The following EDN1 variants were observed in gnomAD, a reference collection of about 807,000 sequenced individuals.
EDN1 encodes the protein endothelin 1.
EDN1 carries 11 observed loss-of-function variants against 21.7 expected under a neutral mutation model. The ratio of observed to expected loss-of-function variants is 0.51; its 90% CI spans 0.32 to 0.84. EDN1 has a LOEUF of 0.84. Among genes scored for constraint, EDN1 ranks in the 40% least tolerant of loss-of-function variants. The pLI is 0.03. For synonymous variants in EDN1, 85 were observed against 90.6 expected, an observed-to-expected ratio of 0.94 and a Z score of 0.35; for missense variants, 244 against 262.3, an observed-to-expected ratio of 0.93 and a Z score of 0.48.
At chr6:12,263,014 T>C in the EDN1 span, among the ~76,000 whole-genome samples, 1 of 152,144 alleles carries the variant, frequency 6.6e-6, no homozygotes, top group African/African-American at 2.4e-5. Context: ...CTTTCTTATT[T>C]CTGGGTAATT....
At chr6:12,294,967 G>A (rs1223982353) in intron 4 of EDN1, among the ~76,000 whole-genome samples, 4 of 138,800 alleles carry the variant, frequency 2.9e-5, no homozygotes, top group Non-Finnish European at 4.5e-5. Context: ...TTGGTGCAGA[G>A]CCAATGTCAT....
At chr6:12,295,743 A>G (rs1762807078) in intron 4 of EDN1, among the ~76,000 whole-genome samples, 1 of 152,142 alleles carries the variant, frequency 6.6e-6, no homozygotes, top group Non-Finnish European at 1.5e-5. Flanking sequence ...AGACTTGACC[A>G]TATGACCCCT....
At chr6:12,252,615 T>C in the EDN1 span, among the ~76,000 whole-genome samples, 1 of 152,234 alleles carries the variant, frequency 6.6e-6, no homozygotes, top group East Asian at 1.9e-4. Context: ...TTGATAATTC[T>C]GCAGGAACGC....
At chr6:12,262,324 C>A in the EDN1 span, among the ~76,000 whole-genome samples, 1 of 152,076 alleles carries the variant, frequency 6.6e-6, no homozygotes, top group African/African-American at 2.4e-5. Flanking sequence ...GAAACCTGGG[C>A]CAGGTTGTTT....
chr6:12,292,413 G>C lies in EDN1; in HGVS notation c.137G>C (p.Arg46Pro), dbSNP rs1383893344. The stretch of plus-strand genomic sequence containing the variant: ...AAACCCACTCCCAGTCCACCCTGGC[G>C]GCTCCGCCGGTCCAAGCGCTGCTCC... ...GEKPTPSPPWRLRRSKRCSCS... is the reference protein window; with the variant it reads ...GEKPTPSPPWPLRRSKRCSCS... Residue 46 changes from arginine (R) to proline (P), a missense_variant, in exon 2 of 5, where the codon CGG becomes CCG. Coordinates refer to ENST00000379375, the MANE Select transcript of EDN1 (RefSeq NM_001955.5). 2 of 1,614,172 alleles carry C rather than the reference G, an allele frequency of 1.2e-6. No homozygotes were observed. The highest frequency in any genetic ancestry group is 2.2e-5 in the East Asian group (1 of 44,876).
Position 12,292,337 on chromosome 6 carries a change from C to G in EDN1, c.65-4C>G, listed in dbSNP as rs376331416. 2.5e-6 allele frequency: 4 copies of G among 1,613,794 alleles called. No individual in the cohort carries two copies. Among genetic ancestry groups the G allele is most frequent in the Non-Finnish European group, 3.4e-6 (4 of 1,180,052 alleles). ...CCCCACTGACCTGCTCTTTCTCTCC[C>G]CAGCAGTCTTAGGCGCTGAGCTCAG... On this transcript the variant is annotated splice_region_variant and splice_polypyrimidine_tract_variant and intron_variant, in intron 1 of 4. Coordinates refer to ENST00000379375, the MANE Select transcript of EDN1 (RefSeq NM_001955.5).
At chr6:12,278,538 A>T in the EDN1 span, among the ~76,000 whole-genome samples, 1 of 152,172 alleles carries the variant, frequency 6.6e-6, no homozygotes, top group Non-Finnish European at 1.5e-5. Flanking sequence ...ATTCTCATAT[A>T]TGCCACACAT....
chr6:12,254,515 C>G, the EDN1 span, among the ~76,000 whole-genome samples: 1 of 152,120 alleles, frequency 6.6e-6, no homozygotes, highest in African/African-American at 2.4e-5. Context: ...CCCCATAAAG[C>G]TGTGGACCAT....
chr6:12,242,804 A>C, the EDN1 span, among the ~76,000 whole-genome samples: 2 of 151,760 alleles, frequency 1.3e-5, no homozygotes, highest in African/African-American at 4.9e-5. Context: ...TGTATATAAT[A>C]TTTCTTCCAG....
At chr6:12,262,171 A>G in the EDN1 span, among the ~76,000 whole-genome samples, 4 of 152,354 alleles carry the variant, frequency 2.6e-5, no homozygotes, top group African/African-American at 9.6e-5. Flanking sequence ...CCTGATGGCT[A>G]AGTAATTTGA....
chr6:12,243,584 G>A, the EDN1 span, among the ~76,000 whole-genome samples: 2,223 of 152,210 alleles, frequency 0.015, 60 homozygotes, highest in African/African-American at 0.049. Flanking sequence ...ACTGGTGCCT[G>A]GCTCAGAGGG....
At chr6:12,236,999 C>T in the EDN1 span, among the ~76,000 whole-genome samples, 2 of 139,574 alleles carry the variant, frequency 1.4e-5, no homozygotes, top group African/African-American at 5.4e-5. Context: ...CATCAGGTAC[C>T]GGTGTGTGAT....
the EDN1 span, among the ~76,000 whole-genome samples, chr6:12,280,204 G>A: frequency 2.0e-5 from 3 of 152,184 alleles, no homozygotes; most frequent in Non-Finnish European, 4.4e-5. Context: ...TTCTTAAGCT[G>A]TGGGAAATGG....
the EDN1 span, among the ~76,000 whole-genome samples, chr6:12,259,148 T>C: frequency 6.6e-6 from 1 of 152,094 alleles, no homozygotes; most frequent in Non-Finnish European, 1.5e-5. Flanking sequence ...TCACTGTCCT[T>C]TTACTTAATA....
chr6:12,284,740 GAAGGAAGGAAGAAAGAAAGA>G, the EDN1 span, among the ~76,000 whole-genome samples: 511 of 85,260 alleles, frequency 6.0e-3, 2 homozygotes, highest in Non-Finnish European at 7.3e-3. Context: ...AGGAAGGAAG[GAAGGAAGGAAGAAAGAAAGA>G]AAGAAAGAAA....
the EDN1 span, among the ~76,000 whole-genome samples, chr6:12,270,525 T>C: frequency 2.0e-5 from 3 of 152,188 alleles, no homozygotes; most frequent in Non-Finnish European, 2.9e-5. Flanking sequence ...TTTTAATTTC[T>C]TTATTGACCC....
chr6:12,289,499 C>T (rs1326576534), upstream of EDN1, among the ~76,000 whole-genome samples: 1 of 152,116 alleles, frequency 6.6e-6, no homozygotes, highest in Non-Finnish European at 1.5e-5. Context: ...AACATCAGCC[C>T]CTGTAGCTCT....
the EDN1 span, among the ~76,000 whole-genome samples, chr6:12,284,747 GGAAGAAA>G: frequency 2.3e-5 from 2 of 87,392 alleles, no homozygotes; most frequent in African/African-American, 8.2e-5. Flanking sequence ...AAGGAAGGAA[GGAAGAAA>G]GAAAGAAAGA....
chr6:12,272,641 A>G, the EDN1 span, among the ~76,000 whole-genome samples: 1 of 119,830 alleles, frequency 8.3e-6, no homozygotes. Flanking sequence ...TTTTTTTTGT[A>G]TTTTTAGTTG....
Sources: gnomAD v4.1 joint callset for allele counts (sites outside exome capture counted in the v4.1 genomes callset) on GRCh38, gnomAD v4.1.1 for gene constraint, MANE v1.5 for transcripts, NCBI Gene and HGNC (gene_info 2026-07-23, HGNC 2026-07-21) for gene names.